NRG1: variants seen among roughly 807,000 people sequenced by gnomAD.
NRG1 encodes the protein neuregulin 1.
In NRG1, 18 loss-of-function variants were observed where a neutral mutation model predicts 63.8. That is an observed-to-expected ratio of 0.28 (90% CI 0.19 to 0.42). The LOEUF is 0.42. Among genes scored for constraint, NRG1 ranks in the 10% least tolerant of loss-of-function variants. NRG1 has a pLI of 1.00. For missense variants in NRG1, 762 were observed against 814.7 expected (o/e 0.94, Z 0.79); for synonymous variants, 302 against 301.3 (o/e 1.00, Z -0.02).
At chr8:32,633,342 C>T (rs1446054318) in intron 5 of NRG1, among the ~76,000 whole-genome samples, 10 of 152,038 alleles carry the variant, frequency 6.6e-5, no homozygotes, top group East Asian at 3.9e-4. Flanking sequence ...TGATGGTTAC[C>T]GAGAATGGAA....
chr8:32,627,356 A>G (rs967257100), intron 5 of NRG1, among the ~76,000 whole-genome samples: 3 of 152,224 alleles, frequency 2.0e-5, no homozygotes, highest in Non-Finnish European at 4.4e-5. Context: ...AAGTTGAATC[A>G]TTGTTGATGA....
At chr8:31,643,507 G>A (rs977385451) in intron 1 of NRG1, among the ~76,000 whole-genome samples, 8 of 152,028 alleles carry the variant, frequency 5.3e-5, no homozygotes, top group African/African-American at 1.7e-4. Flanking sequence ...GAATAATGTC[G>A]ATAAAACAAG....
At chr8:32,106,617 T>A (rs1181493948) in intron 1 of NRG1, among the ~76,000 whole-genome samples, 1 of 152,214 alleles carries the variant, frequency 6.6e-6, no homozygotes, top group Non-Finnish European at 1.5e-5. Context: ...GAGTTGATGT[T>A]ACAGAGATCT....
At chr8:32,503,160 G>T (rs541249532) in intron 1 of NRG1, among the ~76,000 whole-genome samples, 1 of 151,296 alleles carries the variant, frequency 6.6e-6, no homozygotes, top group Non-Finnish European at 1.5e-5. Context: ...GGTGGCGGGC[G>T]CCTGTAGTCC....
intron 5 of NRG1, chr8:32,647,750 C>T (rs1853949319): frequency 5.0e-6 from 8 of 1,589,946 alleles, no homozygotes; most frequent in Middle Eastern, 1.7e-4. Context: ...TGTCTGAGGT[C>T]GCCGCCGAGA....
At chr8:32,244,916 G>C (rs1245692496) in intron 1 of NRG1, among the ~76,000 whole-genome samples, 1 of 152,144 alleles carries the variant, frequency 6.6e-6, no homozygotes, top group Non-Finnish European at 1.5e-5. Context: ...TTAACCCTGA[G>C]CATACCAGTC....
At chr8:32,223,795 G>A (rs904999433) in intron 1 of NRG1, among the ~76,000 whole-genome samples, 5 of 152,128 alleles carry the variant, frequency 3.3e-5, no homozygotes, top group African/African-American at 1.2e-4. Context: ...GGGAAGGGAG[G>A]CCCGTAGCGG....
chr8:32,428,017 T>G (rs1463132222), intron 1 of NRG1, among the ~76,000 whole-genome samples: 1 of 152,226 alleles, frequency 6.6e-6, no homozygotes, highest in Non-Finnish European at 1.5e-5. Flanking sequence ...CACTGAGTGT[T>G]GGCCAGCGTT....
intron 1 of NRG1, among the ~76,000 whole-genome samples, chr8:32,377,481 T>G (rs1563381086): frequency 1.3e-5 from 2 of 152,190 alleles, no homozygotes; most frequent in South Asian, 4.1e-4. Flanking sequence ...CTGCAAGATA[T>G]GCAGGCTGTT....
chr8:31,843,090 A>G (rs886807210), intron 1 of NRG1, among the ~76,000 whole-genome samples: 3 of 152,126 alleles, frequency 2.0e-5, no homozygotes, highest in African/African-American at 7.2e-5. Context: ...TGGATGTAGC[A>G]GGACACCTCT....
At chr8:32,210,283 T>C (rs184738425) in intron 1 of NRG1, among the ~76,000 whole-genome samples, 135 of 152,332 alleles carry the variant, frequency 8.9e-4, no homozygotes, top group African/African-American at 3.1e-3. Flanking sequence ...TGAGAAATGT[T>C]TGAACACAGG....
At chr8:31,934,299 A>G (rs746418518) in intron 1 of NRG1, among the ~76,000 whole-genome samples, 6 of 151,622 alleles carry the variant, frequency 4.0e-5, no homozygotes, top group Non-Finnish European at 7.4e-5. Flanking sequence ...GATGTGATAT[A>G]TATGTGTACA....
chr8:32,177,773 A>G (rs1177817495), intron 1 of NRG1, among the ~76,000 whole-genome samples: 1 of 152,134 alleles, frequency 6.6e-6, no homozygotes. Flanking sequence ...CCATTTCAGC[A>G]TGTTCTATAG....
intron 1 of NRG1, among the ~76,000 whole-genome samples, chr8:32,079,587 A>G (rs1827135088): frequency 6.6e-6 from 1 of 152,198 alleles, no homozygotes; most frequent in African/African-American, 2.4e-5. Flanking sequence ...TGAATACATA[A>G]TGGCAGGATT....
chr8:31,777,419 G>A (rs1011691642), intron 1 of NRG1, among the ~76,000 whole-genome samples: 1 of 152,342 alleles, frequency 6.6e-6, no homozygotes, highest in Non-Finnish European at 1.5e-5. Flanking sequence ...AGGCATCCAA[G>A]GTCACAGAGT....
intron 1 of NRG1, among the ~76,000 whole-genome samples, chr8:32,325,151 G>A (rs772451062): frequency 7.9e-5 from 12 of 152,236 alleles, no homozygotes; most frequent in Middle Eastern, 3.4e-3. Context: ...CACTTAAGGA[G>A]GAGGCATGAG....
intron 1 of NRG1, among the ~76,000 whole-genome samples, chr8:31,843,887 G>C (rs139164068): frequency 4.9e-4 from 75 of 152,280 alleles, no homozygotes; most frequent in African/African-American, 1.8e-3. Flanking sequence ...AATGTGGTAA[G>C]TATGCTCTTT....
intron 1 of NRG1, among the ~76,000 whole-genome samples, chr8:31,874,903 G>A (rs1274869044): frequency 6.6e-6 from 1 of 152,164 alleles, no homozygotes; most frequent in Non-Finnish European, 1.5e-5. Context: ...GAGACACAGA[G>A]CTTCTTATAC....
chr8:31,729,517 T>TGTAA (rs1813802726), intron 1 of NRG1, among the ~76,000 whole-genome samples: 1 of 152,140 alleles, frequency 6.6e-6, no homozygotes, highest in Admixed American at 6.6e-5. Context: ...TACCACTGAA[T>TGTAA]GTAAACAAGC....
Sources: allele counts gnomAD v4.1 joint callset (sites outside exome capture counted in the v4.1 genomes callset), GRCh38; gene constraint gnomAD v4.1.1; transcripts MANE v1.5; gene names NCBI Gene and HGNC (gene_info 2026-07-23, HGNC 2026-07-21).